ARHGAP20: variants seen among roughly 807,000 people sequenced by gnomAD.
ARHGAP20 encodes the protein Rho GTPase activating protein 20.
A neutral mutation model predicts 73.7 loss-of-function variants in ARHGAP20; 34 were observed. That is an observed-to-expected ratio of 0.46 (90% CI 0.35 to 0.61). The LOEUF (loss-of-function observed/expected upper bound fraction) is 0.61. Among genes scored for constraint, ARHGAP20 ranks in the 20% least tolerant of loss-of-function variants. The probability of loss-of-function intolerance (pLI) is 0.00; values close to 1 mark genes in which losing one functional copy is unlikely to be tolerated. For synonymous variants in ARHGAP20, 523 were observed against 518.2 expected, an observed-to-expected ratio of 1.01 and a Z score of -0.13; for missense variants, 1,314 against 1,420.9, an observed-to-expected ratio of 0.92 and a Z score of 1.21.
intron 14 of ARHGAP20, among the ~76,000 whole-genome samples, 185 bp from the exon 15 acceptor site, chr11:110,581,410 A>G (rs1257564564): frequency 6.6e-6 from 1 of 152,240 alleles, no homozygotes; most frequent in Non-Finnish European, 1.5e-5. Context: ...TAGGAGATTT[A>G]TCTCAGTTCC....
chr11:110,577,609 A>T lies in ARHGAP20; in HGVS notation c.*1761T>A, dbSNP rs1947322024. 1.0e-6 allele frequency: 1 copy of T among 986,330 alleles called. No individual in the cohort carries two copies. The allele number at this position is 986,330 out of a possible 1,614,324, so 61.1% of individuals were successfully genotyped here. ...CCTGCTGACTTTATATATTATACCA[A>T]AAAAGATGCATATGGACACTTAGAA... On this transcript the variant is annotated 3_prime_UTR_variant, in exon 15 of 15. Transcript: ENST00000683387.
intron 6 of ARHGAP20, 59 bp from the exon 7 acceptor site, chr11:110,611,445 A>C (rs2134889468): frequency 4.6e-6 from 4 of 871,144 alleles, no homozygotes; most frequent in Non-Finnish European, 6.8e-6. Context: ...ACAGGTTAAC[A>C]AATAATCATT....
At chr11:110,601,935 C>T (rs984405323) in intron 9 of ARHGAP20, among the ~76,000 whole-genome samples, 8 of 150,632 alleles carry the variant, frequency 5.3e-5, no homozygotes, top group East Asian at 3.9e-4. Flanking sequence ...GAGCAGAGAT[C>T]GTGCCATTGT....
chr11:110,663,084 A>T (rs1040408834), intron 2 of ARHGAP20, among the ~76,000 whole-genome samples: 4 of 151,978 alleles, frequency 2.6e-5, no homozygotes, highest in African/African-American at 9.6e-5. Flanking sequence ...ATGGTATTCA[A>T]TGCCTAAATT....
chr11:110,615,498 T>C lies in ARHGAP20; in HGVS notation c.545+55A>G, dbSNP rs1948464030. ...TTGGGGCACATCTCTGCAGAAAAGGTCTTAATTCATTTATTAAAGGTTAAA... is the reference window on the plus strand; with the variant it reads ...TTGGGGCACATCTCTGCAGAAAAGGCCTTAATTCATTTATTAAAGGTTAAA... On this transcript the variant is annotated intron_variant, in intron 5 of 14. Transcript: ENST00000683387. 3 of 1,515,750 alleles carry C rather than the reference T, an allele frequency of 2.0e-6. No homozygotes were observed. The East Asian group carries it at 6.8e-5, about 34-fold the overall frequency. The allele number at this position is 1,515,750 out of a possible 1,614,324, so 93.9% of individuals were successfully genotyped here.
chr11:110,685,004 C>T (rs1472916840), intron 2 of ARHGAP20, among the ~76,000 whole-genome samples: 1 of 151,964 alleles, frequency 6.6e-6, no homozygotes, highest in Non-Finnish European at 1.5e-5. Flanking sequence ...AAGCTCAAAC[C>T]CTAGCACCAT....
Position 110,580,857 on chromosome 11 carries a change from G to A in ARHGAP20, c.2089C>T (p.Leu697=), listed in dbSNP as rs770300526. ...STAAANAAKS[L]RRHRRCSEPS... is the part of the protein sequence containing the mutation. ...TCTGAGCAACGCCGGTGTCGCCTCA[G>A]GCTTTTTGCAGCATTTGCTGCAGCT... The change falls in exon 15 of 15, where the codon CTG becomes TTG. Residue 697 remains leucine, a synonymous_variant. Transcript: ENST00000683387. 4.3e-6 allele frequency: 7 copies of A among 1,612,742 alleles called. No individual in the cohort carries two copies. The highest frequency in any genetic ancestry group is 1.3e-5 in the African/African-American group (1 of 74,856).
At chr11:110,627,099 T>TATA (rs113364669) in intron 3 of ARHGAP20, among the ~76,000 whole-genome samples, 101 of 151,772 alleles carry the variant, frequency 6.7e-4, no homozygotes, top group African/African-American at 2.4e-3. Context: ...AATATATATA[T>TATA]TTTTTTGAGA....
In ARHGAP20 at chr11:110,590,776, G is replaced by C. The variant is rs1334502468; in HGVS notation, c.1177C>G (p.Leu393Val). ...MLFFLNQKGPLTKGIFRQSAN... is the reference protein window; with the variant it reads ...MLFFLNQKGPVTKGIFRQSAN... ...GATTGCCTGAAGATACCTTTGGTGA[G>C]AGGTCCTTTTTGATTAAGAAAGAAA... The change falls in exon 11 of 15, where the codon CTC (leucine) becomes GTC (valine). Residue 393 changes from leucine (L) to valine (V), a missense_variant. Physicochemically the swap from Leu to Val is conservative, Grantham distance 32. This residue lies in a region of ARHGAP20 where 230 missense variants were observed against 317.6 expected (regional missense o/e 0.72). Coordinates refer to ENST00000683387, the MANE Select transcript of ARHGAP20 (RefSeq NM_001384657.1). 2 of 1,613,494 alleles carry C rather than the reference G, an allele frequency of 1.2e-6. No homozygotes were observed. Among genetic ancestry groups the C allele is most frequent in the African/African-American group, 2.7e-5 (2 of 74,974 alleles).
At chr11:110,612,958 A>T (rs1289858387) in intron 6 of ARHGAP20, among the ~76,000 whole-genome samples, 1 of 152,204 alleles carries the variant, frequency 6.6e-6, no homozygotes, top group East Asian at 1.9e-4. Flanking sequence ...CTGGGCTTTA[A>T]ATTGAGAGAT....
At position 110,580,258 on chromosome 11, in the gene ARHGAP20, C is replaced by CT; in HGVS notation, c.2687dup (p.Lys897GlufsTer4). On this transcript the variant is annotated frameshift_variant, in exon 15 of 15. Transcript: ENST00000683387. LOFTEE classifies it low-confidence loss of function (END_TRUNC). ...TGACTAAACTCTGATTAATGAGCTT[C>CT]TGCCCCTCCATTTGCAAAGACTTAT... is the stretch of plus-strand genomic sequence containing the variant. The CT allele has an allele frequency of 6.2e-7, 1 of 1,614,240 alleles. No homozygotes were observed. Among genetic ancestry groups the CT allele is most frequent in the Non-Finnish European group, 8.5e-7 (1 of 1,180,034 alleles).
chr11:110,585,753 C>T (rs1947647751), intron 12 of ARHGAP20, among the ~76,000 whole-genome samples: 1 of 152,082 alleles, frequency 6.6e-6, no homozygotes. Context: ...TGTGTCTTTG[C>T]TGTGCTTCCA....
chr11:110,701,666 G>T (rs1481405751), intron 1 of ARHGAP20, among the ~76,000 whole-genome samples: 2 of 152,116 alleles, frequency 1.3e-5, no homozygotes, highest in Non-Finnish European at 2.9e-5. Flanking sequence ...CCATGCCTAT[G>T]TCCTGAATGG....
intron 2 of ARHGAP20, among the ~76,000 whole-genome samples, chr11:110,665,050 A>G (rs1949695994): frequency 1.3e-5 from 2 of 152,196 alleles, no homozygotes; most frequent in African/African-American, 2.4e-5. Context: ...TTAAGAACTA[A>G]TAACAGAAAG....
At chr11:110,605,215 A>G (rs973342516) in intron 9 of ARHGAP20, among the ~76,000 whole-genome samples, 1 of 152,178 alleles carries the variant, frequency 6.6e-6, no homozygotes, top group African/African-American at 2.4e-5. Flanking sequence ...AGAAAGTGGT[A>G]GAGTTTAGTA....
chr11:110,595,229 G>A (rs947697144), intron 9 of ARHGAP20, among the ~76,000 whole-genome samples: 12 of 152,074 alleles, frequency 7.9e-5, no homozygotes, highest in African/African-American at 2.9e-4. Context: ...TTTGAAAACT[G>A]GCACAAGACA....
At chr11:110,613,130 C>A (rs1448508227) in intron 6 of ARHGAP20, among the ~76,000 whole-genome samples, 1 of 152,130 alleles carries the variant, frequency 6.6e-6, no homozygotes, top group Non-Finnish European at 1.5e-5. Flanking sequence ...ATGTTCAAAA[C>A]ATAATTATAG....
At position 110,590,803 on chromosome 11, in the gene ARHGAP20, G is replaced by A. The variant is rs1565425708; in HGVS notation, c.1150C>T (p.Leu384Phe). 1 of 1,612,780 alleles carries A rather than the reference G, an allele frequency of 6.2e-7. No homozygotes were observed. Among genetic ancestry groups the A allele is most frequent in the East Asian group, 2.2e-5 (1 of 44,850 alleles). ...GGTCCTTTTTGATTAAGAAAGAAAA[G>A]CATATCCTATGGGGAAGCAAAGGAA... is the stretch of plus-strand genomic sequence containing the variant. ...DNLPKPVLDM[L>F]FFLNQKGPLT... is the part of the protein sequence containing the mutation. The change falls in exon 11 of 15, where the codon CTT (leucine) becomes TTT (phenylalanine). Residue 384 changes from leucine to phenylalanine, a missense_variant. This residue lies in a region of ARHGAP20 where 443 missense variants were observed against 466.4 expected (regional missense o/e 0.95). Transcript: ENST00000683387.
chr11:110,583,995 C>T (rs549508009), intron 12 of ARHGAP20, among the ~76,000 whole-genome samples: 7 of 152,184 alleles, frequency 4.6e-5, no homozygotes, highest in Admixed American at 1.3e-4. Flanking sequence ...AAAAATATTT[C>T]ATTAAAAAAA....
Sources: gnomAD v4.1 joint callset for allele counts (sites outside exome capture counted in the v4.1 genomes callset) on GRCh38, gnomAD v4.1.1 for gene constraint, gnomAD v4.1.1 regional missense constraint, MANE v1.5 for transcripts, NCBI Gene and HGNC (gene_info 2026-07-23, HGNC 2026-07-21) for gene names.